The following C1orf21 variants were observed in gnomAD, a reference collection of about 807,000 sequenced individuals.
C1orf21 encodes uncharacterized protein C1orf21.
In C1orf21, 3 loss-of-function variants were observed where a neutral mutation model predicts 18.7. That is an observed-to-expected ratio of 0.16 (90% CI 0.07 to 0.42). C1orf21 has a LOEUF of 0.42. C1orf21 is among the 10% of genes least tolerant of loss of function. The probability of loss-of-function intolerance (pLI) is 0.99; values close to 1 mark genes in which losing one functional copy is unlikely to be tolerated. For synonymous variants in C1orf21, 41 were observed against 46.4 expected (o/e 0.88, Z 0.47); for missense variants, 104 against 143.6 (o/e 0.72, Z 1.41).
chr1:184,402,307 T>C (rs1248438610), intron 1 of C1orf21, among the ~76,000 whole-genome samples: 3 of 152,162 alleles, frequency 2.0e-5, no homozygotes, highest in Non-Finnish European at 2.9e-5. Flanking sequence ...TATTTTGTTG[T>C]ATGGTATGGA....
At chr1:184,540,651 G>A (rs1658633633) in intron 3 of C1orf21, among the ~76,000 whole-genome samples, 1 of 152,148 alleles carries the variant, frequency 6.6e-6, no homozygotes, top group South Asian at 2.1e-4. Context: ...GGCTGGTCTT[G>A]AACTCCTGAC....
At position 184,401,496 on chromosome 1, in the gene C1orf21, G is replaced by T. The variant is rs371251829; in HGVS notation, c.-125+14128G>T. Reference sequence around the variant, plus strand: ...CCTGCCTCAGTCTCCCAAAGTACTGGGATTACAGGTGTGAGCCACGGCGCC... The same window carrying T: ...CCTGCCTCAGTCTCCCAAAGTACTGTGATTACAGGTGTGAGCCACGGCGCC... On this transcript the variant is annotated intron_variant, in intron 1 of 5. Transcript: ENST00000235307. Among the ~76,000 whole-genome samples, 6 of 152,222 alleles carry T rather than the reference G, an allele frequency of 3.9e-5. 1 individual carries two copies. The East Asian group carries it at 7.7e-4, about 20-fold the overall frequency.
intron 1 of C1orf21, among the ~76,000 whole-genome samples, chr1:184,415,019 CAT>C (rs369972876): frequency 4.1e-4 from 63 of 152,278 alleles, no homozygotes; most frequent in African/African-American, 1.4e-3. Flanking sequence ...GGATTGGCCA[CAT>C]GTGTAGTTTT....
intron 1 of C1orf21, among the ~76,000 whole-genome samples, chr1:184,452,799 G>A (rs1307631703): frequency 6.6e-6 from 1 of 152,122 alleles, no homozygotes; most frequent in Non-Finnish European, 1.5e-5. Flanking sequence ...CTCTTTGCCT[G>A]TCCCCTCTTG....
At chr1:184,479,623 T>TC (rs1657623867) in intron 2 of C1orf21, among the ~76,000 whole-genome samples, 1 of 138,636 alleles carries the variant, frequency 7.2e-6, no homozygotes, top group African/African-American at 2.7e-5. Flanking sequence ...CTTTTTTTTT[T>TC]TTTTTTTTTT....
At chr1:184,551,224 A>G (rs1558000760) in intron 3 of C1orf21, among the ~76,000 whole-genome samples, 1 of 152,218 alleles carries the variant, frequency 6.6e-6, no homozygotes, top group Non-Finnish European at 1.5e-5. Context: ...TTAGAGAACT[A>G]TGTGTGTATT....
intron 5 of C1orf21, among the ~76,000 whole-genome samples, chr1:184,613,858 CTG>C (rs1180059835): frequency 6.6e-6 from 1 of 151,998 alleles, no homozygotes. Context: ...AGGGAAGAGA[CTG>C]TTTCTCCCTA....
At chr1:184,513,067 C>G (rs1180676174) in intron 3 of C1orf21, among the ~76,000 whole-genome samples, 1 of 152,190 alleles carries the variant, frequency 6.6e-6, no homozygotes, top group Non-Finnish European at 1.5e-5. Context: ...CTGGGTGAAA[C>G]AGTTTCATTC....
At chr1:184,527,576 C>G (rs1354534233) in intron 3 of C1orf21, among the ~76,000 whole-genome samples, 1 of 152,112 alleles carries the variant, frequency 6.6e-6, no homozygotes, top group Non-Finnish European at 1.5e-5. Context: ...CCAGAACTGT[C>G]CCAGATTTGG....
intron 5 of C1orf21, among the ~76,000 whole-genome samples, chr1:184,598,879 T>G (rs1304730300): frequency 1.3e-5 from 2 of 152,196 alleles, no homozygotes; most frequent in East Asian, 3.8e-4. Flanking sequence ...TATACCTAAT[T>G]CAATTTATAC....
intron 1 of C1orf21, among the ~76,000 whole-genome samples, chr1:184,442,284 C>G (rs968343929): frequency 2.0e-5 from 3 of 152,186 alleles, no homozygotes. Flanking sequence ...AAGGATCAGA[C>G]AGACTTAAAG....
At chr1:184,494,696 T>C (rs987052951) in intron 2 of C1orf21, among the ~76,000 whole-genome samples, 4 of 152,120 alleles carry the variant, frequency 2.6e-5, no homozygotes, top group Non-Finnish European at 4.4e-5. Flanking sequence ...GGAGGCAGAG[T>C]TTTTATGTTT....
chr1:184,541,929 G>T (rs138996187), intron 3 of C1orf21, among the ~76,000 whole-genome samples: 36 of 152,304 alleles, frequency 2.4e-4, no homozygotes, highest in African/African-American at 8.7e-4. Context: ...AGCTTAGCCA[G>T]CTATCCTATG....
intron 1 of C1orf21, among the ~76,000 whole-genome samples, chr1:184,449,435 A>T (rs1657087340): frequency 6.6e-6 from 1 of 152,120 alleles, no homozygotes; most frequent in Admixed American, 6.6e-5. Flanking sequence ...ACATTTTCTT[A>T]ATCCAGCCTA....
chr1:184,613,282 T>C (rs959252943), intron 5 of C1orf21, among the ~76,000 whole-genome samples: 1 of 152,210 alleles, frequency 6.6e-6, no homozygotes, highest in Admixed American at 6.5e-5. Flanking sequence ...ATATAGTATA[T>C]GTAGAGTTCA....
rs1429803520 is a variant in C1orf21, at chr1:184,628,554, TC to T, written c.*9002del. ...AGAATAAGAAAGTCCTAAGGCAGAA[TC>T]CCCAGGAACTTCAAATCTGGGAGAT... On this transcript the variant is annotated 3_prime_UTR_variant, in exon 6 of 6. Coordinates refer to ENST00000235307, the MANE Select transcript of C1orf21 (RefSeq NM_030806.4). The T allele has an allele frequency of 6.6e-6, 1 of 152,376 alleles. No homozygotes were observed. The highest frequency in any genetic ancestry group is 2.4e-5 in the African/African-American group (1 of 41,372). The allele number at this position is 152,376 out of a possible 1,614,324, so 9.4% of individuals were successfully genotyped here.
At chr1:184,601,083 T>G (rs1659578523) in intron 5 of C1orf21, among the ~76,000 whole-genome samples, 1 of 152,212 alleles carries the variant, frequency 6.6e-6, no homozygotes, top group Admixed American at 6.5e-5. Flanking sequence ...TCAAATCTAT[T>G]TAGATTTTAC....
intron 2 of C1orf21, among the ~76,000 whole-genome samples, chr1:184,486,787 A>G (rs1025362959): frequency 2.2e-4 from 34 of 152,200 alleles, no homozygotes; most frequent in African/African-American, 8.2e-4. Context: ...TAAGTAGAAA[A>G]TAAGACCATT....
chr1:184,389,865 A>G (rs1311866495), intron 1 of C1orf21, among the ~76,000 whole-genome samples: 1 of 152,206 alleles, frequency 6.6e-6, no homozygotes, highest in East Asian at 1.9e-4. Flanking sequence ...CAGGTGACAT[A>G]TTTACAGAAG....
Sources: allele counts gnomAD v4.1 joint callset (sites outside exome capture counted in the v4.1 genomes callset), GRCh38; gene constraint gnomAD v4.1.1; transcripts MANE v1.5; gene names NCBI Gene and HGNC (gene_info 2026-07-23, HGNC 2026-07-21).